The following GIMAP8 variants were observed in gnomAD, a reference collection of about 807,000 sequenced individuals.
GIMAP8 encodes GTPase IMAP family member 8.
GIMAP8 carries 29 observed loss-of-function variants against 35.6 expected under a neutral mutation model. That is an observed-to-expected ratio of 0.81 (90% CI 0.61 to 1.11). The LOEUF (loss-of-function observed/expected upper bound fraction) is 1.11. GIMAP8 is among the 50% of genes most tolerant of loss of function. The pLI is 0.00. For synonymous variants in GIMAP8, 335 were observed against 308.7 expected, an observed-to-expected ratio of 1.09 and a Z score of -0.89; for missense variants, 811 against 805.0, an observed-to-expected ratio of 1.01 and a Z score of -0.09.
Position 150,477,246 on chromosome 7 carries a change from G to T in GIMAP8, c.1464G>T (p.Glu488Asp). 1.9e-6 allele frequency: 3 copies of T among 1,614,154 alleles called. No homozygotes were observed. Among genetic ancestry groups the T allele is most frequent in the Non-Finnish European group, 2.5e-6 (3 of 1,180,036 alleles). ...GCAGGAGGACATGGGACGGACAGGA[G>T]GTGGTGGTTGTGGACACTCCTTCCT... ...QSGRRTWDGQEVVVVDTPSFN... is the reference protein window; with the variant it reads ...QSGRRTWDGQDVVVVDTPSFN... Residue 488 changes from glutamate (E) to aspartate (D), a missense_variant, in exon 5 of 5, where the codon GAG becomes GAT. Glu to Asp is a conservative substitution (Grantham distance 45). Transcript: ENST00000307271.
Position 150,477,617 on chromosome 7 carries a change from C to T in GIMAP8, c.1835C>T (p.Thr612Ile). The change falls in exon 5 of 5, where the codon ACC becomes ATC. Residue 612 changes from threonine to isoleucine, a missense_variant. Physicochemically the swap from Thr to Ile is moderately conservative, Grantham distance 89. Coordinates refer to ENST00000307271, the MANE Select transcript of GIMAP8 (RefSeq NM_175571.4). ...AAAGAAACAGGCCAGGCCCAGGAAACCCAGGTGAAAGCTCTTTTAACAAAG... is the reference window on the plus strand; with the variant it reads ...AAAGAAACAGGCCAGGCCCAGGAAATCCAGGTGAAAGCTCTTTTAACAAAG... ...NNKETGQAQETQVKALLTKVN... is the reference protein window; with the variant it reads ...NNKETGQAQEIQVKALLTKVN... 6.2e-7 allele frequency: 1 copy of T among 1,614,142 alleles called. No homozygotes were observed. Among genetic ancestry groups the T allele is most frequent in the South Asian group, 1.1e-5 (1 of 91,082 alleles).
chr7:150,455,109 G>A (rs1216219526), intron 1 of GIMAP8, among the ~76,000 whole-genome samples: 1 of 142,366 alleles, frequency 7.0e-6, no homozygotes, highest in Non-Finnish European at 1.5e-5. Context: ...TTGCACTTCA[G>A]CCTGGGCAAC....
chr7:150,466,563 A>T, intron 1 of GIMAP8, 108 bp from the exon 2 acceptor site: 1 of 958,486 alleles, frequency 1.0e-6, no homozygotes. Flanking sequence ...CAGTAGCTCA[A>T]ATTCATTGGC....
intron 1 of GIMAP8, among the ~76,000 whole-genome samples, chr7:150,462,983 G>T (rs1031932987): frequency 6.6e-6 from 1 of 151,938 alleles, no homozygotes; most frequent in African/African-American, 2.4e-5. Context: ...TCAAGTATTT[G>T]TTTACTTTAT....
chr7:150,470,746 CTTTTTTTTTTT>C (rs765100972), intron 2 of GIMAP8, 72 bp from the exon 3 acceptor site: 36 of 467,996 alleles, frequency 7.7e-5, no homozygotes, highest in African/African-American at 4.3e-4. Context: ...CTTCAATTTC[CTTTTTTTTTTT>C]TTTTTTTTTT....
intron 2 of GIMAP8, among the ~76,000 whole-genome samples, chr7:150,468,410 C>T (rs1192500472): frequency 1.3e-5 from 2 of 152,148 alleles, no homozygotes; most frequent in African/African-American, 4.8e-5. Flanking sequence ...GCACTCCTGG[C>T]TGAGTGTGAG....
intron 1 of GIMAP8, among the ~76,000 whole-genome samples, chr7:150,455,857 T>C (rs147924094): frequency 6.6e-6 from 1 of 152,342 alleles, no homozygotes; most frequent in East Asian, 1.9e-4. Flanking sequence ...AACAAAGAGT[T>C]GGTCTCTGGG....
chr7:150,475,564 A>G (rs1295107847), intron 4 of GIMAP8, among the ~76,000 whole-genome samples: 1 of 152,190 alleles, frequency 6.6e-6, no homozygotes, highest in Non-Finnish European at 1.5e-5. Context: ...TTACTACTTA[A>G]GAAGGGCTCC....
At chr7:150,453,478 C>T (rs1274869168) in intron 1 of GIMAP8, among the ~76,000 whole-genome samples, 1 of 152,224 alleles carries the variant, frequency 6.6e-6, no homozygotes, top group African/African-American at 2.4e-5. Context: ...TGGGTCATTC[C>T]CTGCAGTGCA....
chr7:150,466,574 G>T, intron 1 of GIMAP8, 97 bp from the exon 2 acceptor site: 1 of 1,045,434 alleles, frequency 9.6e-7, no homozygotes, highest in Non-Finnish European at 1.4e-6. Context: ...ATTCATTGGC[G>T]GCAATTTGAG....
chr7:150,465,595 G>A (rs1801937927), intron 1 of GIMAP8, among the ~76,000 whole-genome samples: 1 of 152,178 alleles, frequency 6.6e-6, no homozygotes, highest in Admixed American at 6.5e-5. Context: ...CAAACAAGGT[G>A]GGGCCTGAAT....
At chr7:150,463,550 C>T (rs761474649) in intron 1 of GIMAP8, among the ~76,000 whole-genome samples, 1 of 152,128 alleles carries the variant, frequency 6.6e-6, no homozygotes, top group Non-Finnish European at 1.5e-5. Context: ...GGTGCTTTGG[C>T]TTTGATTCTG....
chr7:150,470,757 T>TC, intron 2 of GIMAP8, 72 bp from the exon 3 acceptor site: 1 of 698,900 alleles, frequency 1.4e-6, no homozygotes, highest in South Asian at 2.1e-5. Flanking sequence ...TTTTTTTTTT[T>TC]TTTTTTTTTT....
At position 150,467,219 on chromosome 7, in the gene GIMAP8, G is replaced by A; in HGVS notation, c.521G>A (p.Ser174Asn). The change falls in exon 2 of 5, where the codon AGT (serine) becomes AAT (asparagine). Residue 174 changes from serine (S) to asparagine (N), a missense_variant. Physicochemically the swap from Ser to Asn is conservative, Grantham distance 46. Transcript: ENST00000307271. Reference protein sequence around the residue: ...RYCIFNNKTNSKDEQITQVLE... With the variant: ...RYCIFNNKTNNKDEQITQVLE... ...TGCATTTTCAACAACAAGACCAATAGTAAGGATGAGCAGATCACCCAGGTG... is the reference window on the plus strand; with the variant it reads ...TGCATTTTCAACAACAAGACCAATAATAAGGATGAGCAGATCACCCAGGTG... The A allele has an allele frequency of 6.2e-7, 1 of 1,614,240 alleles. No homozygotes were observed. The highest frequency in any genetic ancestry group is 1.1e-5 in the South Asian group (1 of 91,090).
intron 1 of GIMAP8, among the ~76,000 whole-genome samples, chr7:150,455,138 CAAAA>C (rs57359256): frequency 1.4e-4 from 17 of 124,002 alleles, no homozygotes; most frequent in East Asian, 2.3e-4. Context: ...AATTCCATCT[CAAAA>C]AAAAAAAAAA....
At chr7:150,465,348 G>C (rs918532357) in intron 1 of GIMAP8, among the ~76,000 whole-genome samples, 1 of 152,160 alleles carries the variant, frequency 6.6e-6, no homozygotes, top group Non-Finnish European at 1.5e-5. Flanking sequence ...TTTTTAAAGA[G>C]AGGAACACAG....
Position 150,474,456 on chromosome 7 carries a change from C to T in GIMAP8, c.1127C>T (p.Thr376Met), listed in dbSNP as rs140725618. 3.4e-4 allele frequency: 547 copies of T among 1,613,716 alleles called. 2 individuals are homozygous for T. The highest frequency in any genetic ancestry group is 1.3e-3 in the Middle Eastern group (8 of 6,062). The change falls in exon 4 of 5, where the codon ACG (threonine) becomes ATG (methionine). Residue 376 changes from threonine (T) to methionine (M), a missense_variant. Coordinates refer to ENST00000307271, the MANE Select transcript of GIMAP8 (RefSeq NM_175571.4). Reference sequence around the variant, plus strand: ...GATTTAGGGGATCAGGATCTAGATACGTTCTTAAGAAACAGCAATAAAGCT... The same window carrying T: ...GATTTAGGGGATCAGGATCTAGATATGTTCTTAAGAAACAGCAATAAAGCT... Reference protein sequence around the residue: ...KEDLGDQDLDTFLRNSNKALY... With the variant: ...KEDLGDQDLDMFLRNSNKALY...
At chr7:150,453,284 C>T (rs1801658675) in intron 1 of GIMAP8, among the ~76,000 whole-genome samples, 1 of 152,166 alleles carries the variant, frequency 6.6e-6, no homozygotes, top group African/African-American at 2.4e-5. Context: ...TTTGAACCCA[C>T]CGGAAATATT....
chr7:150,470,485 G>C lies in GIMAP8; in HGVS notation c.637-344G>C, dbSNP rs77452176. ...TGTTGTCTCCATTTGCCAGACTTGG[G>C]GGGGTGGGGAACGGGATTCCAAATT... is the stretch of plus-strand genomic sequence containing the variant. On this transcript the variant is annotated intron_variant, in intron 2 of 4. Transcript: ENST00000307271. Among the ~76,000 whole-genome samples the C allele has an allele frequency of 8.8e-3, 1,334 of 152,224 alleles. 19 individuals are homozygous for C. Among genetic ancestry groups the C allele is most frequent in the African/African-American group, 0.031 (1,273 of 41,516 alleles).
Sources: allele counts gnomAD v4.1 joint callset (sites outside exome capture counted in the v4.1 genomes callset), GRCh38; gene constraint gnomAD v4.1.1; transcripts MANE v1.5; gene names NCBI Gene and HGNC (gene_info 2026-07-23, HGNC 2026-07-21).